Variants in DISC1 observed in about 807,000 individuals in gnomAD.
DISC1 encodes the protein disrupted in schizophrenia 1 protein.
Under a neutral mutation model 84.5 loss-of-function variants are expected in DISC1, and 57 were observed. That is an observed-to-expected ratio of 0.67 (90% CI 0.55 to 0.84). The LOEUF (loss-of-function observed/expected upper bound fraction) is 0.84, where lower values mean the gene tolerates loss of function less well. Among genes scored for constraint, DISC1 ranks in the 40% least tolerant of loss-of-function variants. DISC1 has a pLI of 0.00. For missense variants in DISC1, 1,000 were observed against 1,057.8 expected (o/e 0.95, Z 0.76); for synonymous variants, 411 against 415.2 (o/e 0.99, Z 0.12).
At chr1:232,026,769 T>C (rs1482121450) in intron 12 of DISC1, among the ~76,000 whole-genome samples, 12 of 130,190 alleles carry the variant, frequency 9.2e-5, no homozygotes, top group East Asian at 6.0e-4. Context: ...TTTCTTTTTT[T>C]TTTTTTTTTT....
At chr1:231,721,677 G>A (rs1301282364) in intron 3 of DISC1, among the ~76,000 whole-genome samples, 2 of 152,060 alleles carry the variant, frequency 1.3e-5, no homozygotes, top group African/African-American at 4.8e-5. Context: ...TTCAAATTGT[G>A]TTCTGAGGAG....
chr1:231,748,310 G>C (rs2074234507), intron 3 of DISC1, among the ~76,000 whole-genome samples: 1 of 152,154 alleles, frequency 6.6e-6, no homozygotes, highest in Admixed American at 6.5e-5. Context: ...TCCTTGTGCT[G>C]TTCCATTTAT....
In DISC1 at chr1:231,630,236, C is replaced by T. The variant is rs1171435956; in HGVS notation, c.67+3302C>T. 6.6e-6 allele frequency among the ~76,000 whole-genome samples: 1 copy of T among 152,086 alleles called. No homozygotes were observed. The highest frequency in any genetic ancestry group is 1.5e-5 in the Non-Finnish European group (1 of 67,998). On this transcript the variant is annotated intron_variant, in intron 1 of 12. Coordinates refer to ENST00000439617, the MANE Select transcript of DISC1 (RefSeq NM_018662.3). The surrounding 1 kb of genome is among the most constrained non-coding windows in gnomAD (Gnocchi z 4.4). ...GAGCCACTGCGCCGGGCCCTTTAAA[C>T]AAGATTTAAAGACCAGCACACAAAG...
intron 9 of DISC1, among the ~76,000 whole-genome samples, chr1:231,873,515 A>G (rs1486551965): frequency 2.0e-5 from 3 of 152,238 alleles, no homozygotes; most frequent in Admixed American, 2.0e-4. Flanking sequence ...ACCAAAGTGA[A>G]TAGAGTACTT....
At chr1:231,935,511 G>A (rs1360835571) in intron 9 of DISC1, among the ~76,000 whole-genome samples, 2 of 152,164 alleles carry the variant, frequency 1.3e-5, no homozygotes, top group Non-Finnish European at 2.9e-5. Context: ...TTCAGGAAAC[G>A]TAATCAGTGT....
chr1:231,741,191 T>C (rs2073222082), intron 3 of DISC1, among the ~76,000 whole-genome samples: 1 of 152,116 alleles, frequency 6.6e-6, no homozygotes, highest in South Asian at 2.1e-4. Flanking sequence ...GATGTGAATA[T>C]GTCAAATACC....
chr1:231,688,118 G>T (rs541756171), intron 1 of DISC1, among the ~76,000 whole-genome samples: 18 of 152,286 alleles, frequency 1.2e-4, no homozygotes, highest in Middle Eastern at 3.4e-3. Context: ...TGTCTTTGTT[G>T]ACATTTCTGG....
At chr1:231,905,769 C>G (rs1353134615) in intron 9 of DISC1, among the ~76,000 whole-genome samples, 1 of 152,008 alleles carries the variant, frequency 6.6e-6, no homozygotes, top group African/African-American at 2.4e-5. Flanking sequence ...CATTTGGCAA[C>G]ATTTCAATGA....
intron 1 of DISC1, among the ~76,000 whole-genome samples, chr1:231,683,347 G>A (rs2063879584): frequency 6.6e-6 from 1 of 151,912 alleles, no homozygotes; most frequent in Admixed American, 6.6e-5. Context: ...CAATACCGGA[G>A]GCCCATCCCT....
chr1:231,683,316 C>G (rs909055320), intron 1 of DISC1, among the ~76,000 whole-genome samples: 7 of 152,064 alleles, frequency 4.6e-5, no homozygotes, highest in Non-Finnish European at 8.8e-5. Flanking sequence ...CTAGAATCAC[C>G]TGGATAGTGT....
At chr1:231,724,358 T>G (rs2125125865) in intron 3 of DISC1, among the ~76,000 whole-genome samples, 1 of 152,310 alleles carries the variant, frequency 6.6e-6, no homozygotes, top group South Asian at 2.1e-4. Context: ...CTTCTTACTA[T>G]GTTTAAAGAT....
At chr1:231,894,778 T>TGTGTGTGC (rs1553387267) in intron 9 of DISC1, among the ~76,000 whole-genome samples, 12 of 139,316 alleles carry the variant, frequency 8.6e-5, no homozygotes, top group African/African-American at 3.1e-4. Flanking sequence ...TGTGTGTGTG[T>TGTGTGTGC]GCATCTTTTT....
intron 9 of DISC1, among the ~76,000 whole-genome samples, chr1:231,934,523 G>A (rs1050816175): frequency 1.3e-5 from 2 of 152,124 alleles, no homozygotes; most frequent in Non-Finnish European, 2.9e-5. Flanking sequence ...TTTAAGTGAC[G>A]CAAATCACAG....
rs572625877 is a variant in DISC1, at chr1:232,016,643, C to T, written c.2307+7594C>T. Among the ~76,000 whole-genome samples the T allele has an allele frequency of 2.6e-5, 4 of 152,362 alleles. No homozygotes were observed. The East Asian group carries it at 5.8e-4, about 22-fold the overall frequency. On this transcript the variant is annotated intron_variant, in intron 11 of 12. Transcript: ENST00000439617. ...AAACTAGAAACCACAGGCCAATTAACATATGCCAATTAGCAAGCAATTTCT... is the reference window on the plus strand; with the variant it reads ...AAACTAGAAACCACAGGCCAATTAATATATGCCAATTAGCAAGCAATTTCT...
chr1:231,971,032 A>G (rs560814714), intron 10 of DISC1, among the ~76,000 whole-genome samples: 2 of 152,340 alleles, frequency 1.3e-5, no homozygotes, highest in South Asian at 2.1e-4. Context: ...AGATATGTCA[A>G]TGTGCTTCAC....
Position 231,694,384 on chromosome 1 carries a change from G to A in DISC1, c.626G>A (p.Ser209Asn), listed in dbSNP as rs913903792. The change falls in exon 2 of 13, where the codon AGC becomes AAC. Residue 209 changes from serine (S) to asparagine (N), a missense_variant. Physicochemically the swap from Ser to Asn is conservative, Grantham distance 46. Coordinates refer to ENST00000439617, the MANE Select transcript of DISC1 (RefSeq NM_018662.3). ...GGCTCTCACAGTGCCTTTACCTCAAGCTTTAGCTTTATTCGGCTCTCGCTT... is the reference window on the plus strand; with the variant it reads ...GGCTCTCACAGTGCCTTTACCTCAAACTTTAGCTTTATTCGGCTCTCGCTT... Reference protein sequence around the residue: ...PPGSHSAFTSSFSFIRLSLGS... With the variant: ...PPGSHSAFTSNFSFIRLSLGS... The A allele has an allele frequency of 2.5e-6, 4 of 1,614,254 alleles. No homozygotes were observed. The highest frequency in any genetic ancestry group is 1.3e-5 in the African/African-American group (1 of 75,082).
chr1:231,869,756 G>A (rs960108457), intron 9 of DISC1, among the ~76,000 whole-genome samples: 5 of 152,074 alleles, frequency 3.3e-5, no homozygotes, highest in African/African-American at 1.2e-4. Context: ...TAAACATTGG[G>A]GAGCAAATCT....
chr1:231,935,943 C>G (rs920017951), intron 9 of DISC1, among the ~76,000 whole-genome samples: 2 of 152,174 alleles, frequency 1.3e-5, no homozygotes, highest in African/African-American at 4.8e-5. Flanking sequence ...ACTGCGTCCT[C>G]CTCTCTAGCA....
chr1:231,770,728 A>T, intron 5 of DISC1, 107 bp from the exon 6 acceptor site: 2 of 1,532,728 alleles, frequency 1.3e-6, no homozygotes, highest in Non-Finnish European at 1.8e-6. Flanking sequence ...GGAGTTTTGT[A>T]GTTCTGGTGC....
Sources: gnomAD v4.1 joint callset for allele counts (sites outside exome capture counted in the v4.1 genomes callset) on GRCh38, gnomAD v4.1.1 for gene constraint, Gnocchi (gnomAD v3.1) non-coding constraint, MANE v1.5 for transcripts, NCBI Gene and HGNC (gene_info 2026-07-23, HGNC 2026-07-21) for gene names.